Variants in CRK observed in about 807,000 individuals in gnomAD.
CRK encodes the protein adapter molecule crk.
In CRK, 4 loss-of-function variants were observed where a neutral mutation model predicts 29.8. That is an observed-to-expected ratio of 0.13 (90% CI 0.07 to 0.31). CRK has a LOEUF of 0.31. Among genes scored for constraint, CRK ranks in the 10% least tolerant of loss-of-function variants. The pLI is 1.00. For missense variants in CRK, 274 were observed against 396.5 expected, an observed-to-expected ratio of 0.69 and a Z score of 2.62; for synonymous variants, 153 against 164.9, an observed-to-expected ratio of 0.93 and a Z score of 0.55.
chr17:1,444,646 T>A (rs1336991979), intron 1 of CRK, among the ~76,000 whole-genome samples: 1 of 139,632 alleles, frequency 7.2e-6, no homozygotes, highest in African/African-American at 2.7e-5. Flanking sequence ...CTGACCAACA[T>A]GGAGAAACCC....
chr17:1,442,355 T>C (rs143288317), intron 1 of CRK, among the ~76,000 whole-genome samples: 2 of 152,064 alleles, frequency 1.3e-5, no homozygotes, highest in East Asian at 3.9e-4. Flanking sequence ...TTTTGCTATG[T>C]TGCCCACGCT....
chr17:1,453,218 TCAC>T (rs1246664762), intron 1 of CRK, among the ~76,000 whole-genome samples: 1 of 152,208 alleles, frequency 6.6e-6, no homozygotes, highest in East Asian at 1.9e-4. Context: ...TTGGCAATCT[TCAC>T]CGTCTTTCCT....
At chr17:1,440,239 C>T (rs967496391) in intron 1 of CRK, among the ~76,000 whole-genome samples, 3 of 150,838 alleles carry the variant, frequency 2.0e-5, no homozygotes, top group Non-Finnish European at 4.4e-5. Context: ...GCAGAGCTTG[C>T]GGTGAGCCGA....
At chr17:1,450,809 C>G (rs555833784) in intron 1 of CRK, among the ~76,000 whole-genome samples, 3 of 151,952 alleles carry the variant, frequency 2.0e-5, no homozygotes, top group South Asian at 4.1e-4. Context: ...CTGCTTGAAC[C>G]CAGGAGGTGG....
At position 1,451,776 on chromosome 17, in the gene CRK, C is replaced by T. The variant is rs576643036; in HGVS notation, c.241+4101G>A. On this transcript the variant is annotated intron_variant, in intron 1 of 2. Coordinates refer to ENST00000300574, the MANE Select transcript of CRK (RefSeq NM_016823.4). ...GGCGGATCACCTGAGGTCAGGAGTT[C>T]GAGACCAGCCTGGCCAACATGGTGA... is the stretch of plus-strand genomic sequence containing the variant. Among the ~76,000 whole-genome samples, 16 of 151,368 alleles carry T rather than the reference C, an allele frequency of 1.1e-4. 1 individual carries two copies. In the East Asian group the frequency reaches 2.9e-3, roughly 28 times the overall value.
intron 1 of CRK, among the ~76,000 whole-genome samples, chr17:1,444,786 T>C (rs1435468428): frequency 3.5e-5 from 5 of 141,262 alleles, no homozygotes; most frequent in Non-Finnish European, 6.0e-5. Flanking sequence ...TGAGCTGAGA[T>C]CGCACCATTG....
chr17:1,450,529 A>C lies in CRK; in HGVS notation c.241+5348T>G, dbSNP rs772405224. 2.5e-3 allele frequency among the ~76,000 whole-genome samples: 378 copies of C among 151,208 alleles called. 2 individuals are homozygous for C. The highest frequency in any genetic ancestry group is 4.2e-3 in the Non-Finnish European group (286 of 67,684). ...TCTGTCTCAAAAAAAGAAAAAAAACACATAAAAATGACACCTAAGCCATTC... is the reference window on the plus strand; with the variant it reads ...TCTGTCTCAAAAAAAGAAAAAAAACCCATAAAAATGACACCTAAGCCATTC... On this transcript the variant is annotated intron_variant, in intron 1 of 2. Coordinates refer to ENST00000300574, the MANE Select transcript of CRK (RefSeq NM_016823.4).
chr17:1,454,028 C>T (rs892552404), intron 1 of CRK, among the ~76,000 whole-genome samples: 5 of 150,354 alleles, frequency 3.3e-5, no homozygotes, highest in African/African-American at 1.2e-4. Flanking sequence ...TGGTAAAACC[C>T]CATCTCTACT....
In CRK at chr17:1,444,601, G is replaced by C. The variant is rs986285131; in HGVS notation, c.242-7446C>G. On this transcript the variant is annotated intron_variant, in intron 1 of 2. Transcript: ENST00000300574. ...GCACTTTGGGAAGCCGAAGCGGGGG[G>C]GGGGATCACCTGAGATCGGGAGTTC... Among the ~76,000 whole-genome samples, 21 of 150,480 alleles carry C rather than the reference G, an allele frequency of 1.4e-4. 2 individuals are homozygous for C. The highest frequency in any genetic ancestry group is 2.7e-4 in the African/African-American group (11 of 41,156).
chr17:1,423,656 G>A lies in CRK; in HGVS notation c.778-6C>T, dbSNP rs768393173. 1.2e-6 allele frequency: 2 copies of A among 1,613,504 alleles called. No homozygotes were observed. Among genetic ancestry groups the A allele is most frequent in the African/African-American group, 1.3e-5 (1 of 74,868 alleles). On this transcript the variant is annotated splice_region_variant and splice_polypyrimidine_tract_variant and intron_variant, in intron 2 of 2. Transcript: ENST00000300574. ...ACCTTTACCAGCTCACCGACCTGCA[G>A]GAGGAGAATAAGGAGAGCACTTTAT...
In CRK at chr17:1,422,655, C is replaced by T. The variant is rs1295867145; in HGVS notation, c.*858G>A. On this transcript the variant is annotated 3_prime_UTR_variant, in exon 3 of 3. Transcript: ENST00000300574. ...CAAGAGTCTCCTAATAGGATACTGG[C>T]CCTCTGGAGAAATGGCCCTGCTGGA... 6 of 310,388 alleles carry T rather than the reference C, an allele frequency of 1.9e-5. No homozygotes were observed. Among genetic ancestry groups the T allele is most frequent in the Non-Finnish European group, 1.8e-5 (3 of 170,594 alleles). 19.2% of individuals were successfully genotyped at this position (310,388 alleles called of 1,614,324 possible).
intron 1 of CRK, among the ~76,000 whole-genome samples, chr17:1,454,160 C>A (rs2074038949): frequency 6.6e-6 from 1 of 151,670 alleles, no homozygotes; most frequent in Admixed American, 6.6e-5. Context: ...CAAGATCGCG[C>A]CACTGCACTC....
chr17:1,440,025 C>T (rs1476449882), intron 1 of CRK, among the ~76,000 whole-genome samples: 2 of 151,960 alleles, frequency 1.3e-5, no homozygotes, highest in African/African-American at 2.4e-5. Context: ...GTTGGACAGG[C>T]GCGGTGGCTC....
intron 1 of CRK, among the ~76,000 whole-genome samples, chr17:1,438,349 CA>C (rs2073905835): frequency 1.3e-5 from 2 of 152,070 alleles, no homozygotes; most frequent in Non-Finnish European, 2.9e-5. Context: ...AGGCTAGTCT[CA>C]AACACCTGGG....
chr17:1,441,575 T>C (rs1158807493), intron 1 of CRK, among the ~76,000 whole-genome samples: 1 of 151,594 alleles, frequency 6.6e-6, no homozygotes, highest in Non-Finnish European at 1.5e-5. Context: ...CACGGCAACC[T>C]CCACCTCCCG....
chr17:1,451,009 G>A (rs575491716), intron 1 of CRK, among the ~76,000 whole-genome samples: 66 of 151,558 alleles, frequency 4.4e-4, no homozygotes, highest in African/African-American at 1.5e-3. Context: ...TGGCTAACAC[G>A]GTGAAACCCC....
Position 1,443,281 on chromosome 17 carries a change from C to T in CRK, c.242-6126G>A, listed in dbSNP as rs148610874. Among the ~76,000 whole-genome samples, 310 of 152,214 alleles carry T rather than the reference C, an allele frequency of 2.0e-3. 1 individual carries two copies. Among genetic ancestry groups the T allele is most frequent in the African/African-American group, 7.0e-3 (290 of 41,542 alleles). On this transcript the variant is annotated intron_variant, in intron 1 of 2. Coordinates refer to ENST00000300574, the MANE Select transcript of CRK (RefSeq NM_016823.4). Reference sequence around the variant, plus strand: ...ACAGGTGTGAGCCACTGCACCCGGCCGCAGCCTCCACTTTCTAGGCTTAAG... The same window carrying T: ...ACAGGTGTGAGCCACTGCACCCGGCTGCAGCCTCCACTTTCTAGGCTTAAG...
intron 1 of CRK, among the ~76,000 whole-genome samples, chr17:1,452,431 G>A (rs1470812269): frequency 6.6e-6 from 1 of 152,140 alleles, no homozygotes; most frequent in Non-Finnish European, 1.5e-5. Flanking sequence ...GACTTGGTGA[G>A]GGGGAGAACA....
rs1354884893 is a variant in CRK, at chr17:1,422,683, C to T, written c.*830G>A. 1 of 347,860 alleles carries T rather than the reference C, an allele frequency of 2.9e-6. No homozygotes were observed. The highest frequency in any genetic ancestry group is 5.1e-6 in the Non-Finnish European group (1 of 194,344). The allele number at this position is 347,860 out of a possible 1,614,324, so 21.5% of individuals were successfully genotyped here. A position where few individuals can be genotyped will look rare whatever the true frequency, so the allele number is the denominator to read the frequency against. The stretch of plus-strand genomic sequence containing the variant: ...TCTGGAGAAATGGCCCTGCTGGATC[C>T]CATTAGTTAGGACTCTAGTTAGCTG... On this transcript the variant is annotated 3_prime_UTR_variant, in exon 3 of 3. Transcript: ENST00000300574.
Sources: allele counts gnomAD v4.1 joint callset (sites outside exome capture counted in the v4.1 genomes callset), GRCh38; gene constraint gnomAD v4.1.1; transcripts MANE v1.5; gene names NCBI Gene and HGNC (gene_info 2026-07-23, HGNC 2026-07-21).